Variants in CCDC91 observed in about 807,000 individuals in gnomAD.
The protein encoded by CCDC91 is coiled-coil domain containing 91.
Under a neutral mutation model 63.2 loss-of-function variants are expected in CCDC91, and 48 were observed. That is an observed-to-expected ratio of 0.76 (90% CI 0.60 to 0.97). CCDC91 has a LOEUF of 0.97. Ranked by LOEUF, CCDC91 falls within the 50% of genes least tolerant of loss-of-function variation. The pLI is 0.00. For synonymous variants in CCDC91, 167 were observed against 165.8 expected (o/e 1.01, Z -0.06); for missense variants, 500 against 494.6 (o/e 1.01, Z -0.10).
chr12:28,296,386 A>C (rs148610609), intron 3 of CCDC91, among the ~76,000 whole-genome samples: 2 of 152,032 alleles, frequency 1.3e-5, no homozygotes, highest in African/African-American at 4.8e-5. Context: ...TCCTCAAAGA[A>C]GCGAGTAGAG....
In CCDC91 at chr12:28,200,167, C is replaced by CT. The variant is rs1565595847; in HGVS notation, c.-15+9527dup. On this transcript the variant is annotated intron_variant, in intron 1 of 12. Transcript: ENST00000536442. ...CATTCTGTTCCTTAGCCTGGATAAT[C>CT]TCAATTGACCTATCTTCAAGTTCAC... Among the ~76,000 whole-genome samples, 3 of 149,770 alleles carry CT rather than the reference C, an allele frequency of 2.0e-5. No homozygotes were observed. In the South Asian group the frequency reaches 6.3e-4, roughly 31 times the overall value.
At chr12:28,374,326 G>A (rs755126839) in intron 7 of CCDC91, among the ~76,000 whole-genome samples, 15 of 152,034 alleles carry the variant, frequency 9.9e-5, no homozygotes, top group South Asian at 4.1e-4. Flanking sequence ...TCATCTGGTC[G>A]TATTGGATCA....
At chr12:28,294,541 G>C (rs1196053520) in intron 3 of CCDC91, among the ~76,000 whole-genome samples, 1 of 151,718 alleles carries the variant, frequency 6.6e-6, no homozygotes, top group East Asian at 1.9e-4. Context: ...CAAGCTTCCT[G>C]AGGCATCCCC....
intron 7 of CCDC91, among the ~76,000 whole-genome samples, chr12:28,366,692 C>T (rs1445026810): frequency 6.6e-6 from 1 of 152,078 alleles, no homozygotes; most frequent in Non-Finnish European, 1.5e-5. Context: ...GTATTCCTCC[C>T]TTACTGTGTT....
chr12:28,399,541 C>A (rs1946490065), intron 8 of CCDC91, among the ~76,000 whole-genome samples: 1 of 152,190 alleles, frequency 6.6e-6, no homozygotes, highest in African/African-American at 2.4e-5. Context: ...AGTCATAACT[C>A]ATTCCAGCAT....
At chr12:28,528,147 A>C (rs996485877) in intron 12 of CCDC91, among the ~76,000 whole-genome samples, 3 of 152,078 alleles carry the variant, frequency 2.0e-5, no homozygotes, top group African/African-American at 7.2e-5. Context: ...AATTGTTGCA[A>C]AGTTCCACTG....
chr12:28,351,981 T>C (rs754902701), intron 6 of CCDC91, among the ~76,000 whole-genome samples: 4 of 152,196 alleles, frequency 2.6e-5, no homozygotes, highest in Non-Finnish European at 4.4e-5. Flanking sequence ...TTGGAGATAC[T>C]GCAGAGTTTG....
intron 6 of CCDC91, among the ~76,000 whole-genome samples, chr12:28,352,991 CT>C (rs1943281649): frequency 6.6e-6 from 1 of 152,238 alleles, no homozygotes; most frequent in South Asian, 2.1e-4. Context: ...AATGTTTTGT[CT>C]GCATTGCAGA....
At chr12:28,315,069 GA>G (rs1939703213) in intron 6 of CCDC91, among the ~76,000 whole-genome samples, 1 of 151,640 alleles carries the variant, frequency 6.6e-6, no homozygotes, top group African/African-American at 2.4e-5. Context: ...ATATAGTGTA[GA>G]AAAGTTTATT....
intron 4 of CCDC91, among the ~76,000 whole-genome samples, chr12:28,306,435 A>G (rs1938734555): frequency 6.6e-6 from 1 of 152,090 alleles, no homozygotes; most frequent in Non-Finnish European, 1.5e-5. Context: ...GTTAACAACC[A>G]GATATGTCTA....
chr12:28,306,811 A>G lies in CCDC91; in HGVS notation c.337A>G (p.Asn113Asp). Residue 113 changes from asparagine to aspartate, a missense_variant, in exon 5 of 13, where the codon AAT (asparagine) becomes GAT (aspartate). Coordinates refer to ENST00000536442, the MANE Select transcript of CCDC91 (RefSeq NM_018318.5). ...ATTGGGTTTAACTGATGAAAAAAGT[A>G]ATGGAACAATTGCCCTTGTGGATGA... ...FPLGLTDEKS[N>D]GTIALVDDSE... 6.2e-7 allele frequency: 1 copy of G among 1,612,212 alleles called. No homozygotes were observed.
At position 28,306,956 on chromosome 12, in the gene CCDC91, A is replaced by G. The variant is rs1361181390; in HGVS notation, c.471+11A>G. On this transcript the variant is annotated intron_variant, in intron 5 of 12. Coordinates refer to ENST00000536442, the MANE Select transcript of CCDC91 (RefSeq NM_018318.5). Reference sequence around the variant, plus strand: ...CAGAGAATTAAACAGGTATATTTACATTTGCCTAAGAAATGTTTGAATTGC... The same window carrying G: ...CAGAGAATTAAACAGGTATATTTACGTTTGCCTAAGAAATGTTTGAATTGC... 1.3e-6 allele frequency: 2 copies of G among 1,526,120 alleles called. No homozygotes were observed. Among genetic ancestry groups the G allele is most frequent in the Admixed American group, 1.8e-5 (1 of 56,222 alleles). The allele number at this position is 1,526,120 out of a possible 1,614,324, so 94.5% of individuals were successfully genotyped here. A position where few individuals can be genotyped will look rare whatever the true frequency, so the allele number is the denominator to read the frequency against.
In CCDC91 at chr12:28,380,866, A is replaced by G. The variant is rs183890238; in HGVS notation, c.655-10438A>G. On this transcript the variant is annotated intron_variant, in intron 7 of 12. Transcript: ENST00000536442. ...TCAAGCATTTTCAGTATTAGAGAAAAGCACTACCTAATTATACTGCAGGAA... is the reference window on the plus strand; with the variant it reads ...TCAAGCATTTTCAGTATTAGAGAAAGGCACTACCTAATTATACTGCAGGAA... Among the ~76,000 whole-genome samples, 912 of 152,248 alleles carry G rather than the reference A, an allele frequency of 6.0e-3. 9 individuals are homozygous for G. Among genetic ancestry groups the G allele is most frequent in the African/African-American group, 0.021 (865 of 41,562 alleles).
intron 8 of CCDC91, among the ~76,000 whole-genome samples, chr12:28,439,181 TTATAGTTTTATGTTTTATTCA>T (rs1214193464): frequency 6.6e-6 from 1 of 152,142 alleles, no homozygotes; most frequent in African/African-American, 2.4e-5. Flanking sequence ...AAATCTGCTA[TTATAGTTTTATGTTTTATTCA>T]TAGTAAGAAG....
At chr12:28,204,134 A>G (rs1403245084) in intron 1 of CCDC91, among the ~76,000 whole-genome samples, 1 of 152,204 alleles carries the variant, frequency 6.6e-6, no homozygotes, top group Non-Finnish European at 1.5e-5. Context: ...CCTGGCAGTC[A>G]TAATTGAGAA....
intron 1 of CCDC91, among the ~76,000 whole-genome samples, chr12:28,229,974 T>C (rs1172394644): frequency 6.6e-6 from 1 of 152,180 alleles, no homozygotes; most frequent in African/African-American, 2.4e-5. Context: ...TCTTTATCTT[T>C]GTTGACTTTT....
chr12:28,288,825 G>T (rs1430138254), intron 3 of CCDC91, among the ~76,000 whole-genome samples: 1 of 152,038 alleles, frequency 6.6e-6, no homozygotes, highest in Non-Finnish European at 1.5e-5. Context: ...GCTTTTATTG[G>T]TTGGTAGGCT....
intron 6 of CCDC91, among the ~76,000 whole-genome samples, chr12:28,347,377 G>A (rs1942881705): frequency 1.3e-5 from 2 of 152,134 alleles, no homozygotes; most frequent in African/African-American, 4.8e-5. Context: ...ACTCTCAGCT[G>A]TTACTTCTTC....
chr12:28,506,211 G>T (rs543480044), intron 12 of CCDC91, among the ~76,000 whole-genome samples: 1 of 151,976 alleles, frequency 6.6e-6, no homozygotes, highest in Non-Finnish European at 1.5e-5. Flanking sequence ...TCAGAGGCAT[G>T]ATAGGAAGCT....
Sources: gnomAD v4.1 joint callset for allele counts (sites outside exome capture counted in the v4.1 genomes callset) on GRCh38, gnomAD v4.1.1 for gene constraint, MANE v1.5 for transcripts, NCBI Gene and HGNC (gene_info 2026-07-23, HGNC 2026-07-21) for gene names.